PCNT: variants seen among roughly 807,000 people sequenced by gnomAD.
PCNT encodes pericentrin, also known as kendrin.
PCNT carries 319 observed loss-of-function variants against 380.4 expected under a neutral mutation model. The observed-to-expected ratio is 0.84, with a 90% CI of 0.77 to 0.92. The LOEUF is 0.92. Ranked by LOEUF, PCNT falls within the 40% of genes least tolerant of loss-of-function variation. The pLI, the probability that PCNT is intolerant of heterozygous loss-of-function variation, is 0.00. For synonymous variants in PCNT, 1,845 were observed against 1,735.2 expected, an observed-to-expected ratio of 1.06 and a Z score of -1.57; for missense variants, 4,400 against 4,255.3, an observed-to-expected ratio of 1.03 and a Z score of -0.95.
chr21:46,400,961 G>A (rs1005883124), intron 25 of PCNT, among the ~76,000 whole-genome samples: 7 of 152,138 alleles, frequency 4.6e-5, no homozygotes, highest in African/African-American at 1.2e-4. Context: ...CCCCCTGGCC[G>A]GCCACTGCAC....
At chr21:46,340,385 G>A (rs1252386243) in intron 3 of PCNT, among the ~76,000 whole-genome samples, 2 of 152,126 alleles carry the variant, frequency 1.3e-5, no homozygotes, top group Non-Finnish European at 2.9e-5. Context: ...TTTTGTGCTT[G>A]CCTTCTTTTT....
At chr21:46,403,853 ATG>A (rs2086533041) in intron 27 of PCNT, among the ~76,000 whole-genome samples, 1 of 55,912 alleles carries the variant, frequency 1.8e-5, no homozygotes, top group African/African-American at 8.1e-5. Flanking sequence ...AGAATCGTGT[ATG>A]TGTGGTGCCC....
chr21:46,405,552 G>C (rs2086597656), intron 27 of PCNT, among the ~76,000 whole-genome samples: 1 of 152,192 alleles, frequency 6.6e-6, no homozygotes, highest in South Asian at 2.1e-4. Context: ...ACAAAAGTTA[G>C]CTGGGCCTGG....
intron 15 of PCNT, among the ~76,000 whole-genome samples, chr21:46,373,748 T>G (rs2085236978): frequency 1.5e-5 from 2 of 130,998 alleles, no homozygotes; most frequent in Non-Finnish European, 1.6e-5. Flanking sequence ...TTTTTTTTTT[T>G]TGGGCGGAGT....
chr21:46,386,121 G>A (rs1267524023), intron 17 of PCNT, 138 bp downstream of exon 17: 11 of 980,228 alleles, frequency 1.1e-5, no homozygotes, highest in East Asian at 2.5e-5. Context: ...ACGGGGACCC[G>A]GCTTCCTTCT....
At chr21:46,427,532 C>T (rs2087559150) in intron 33 of PCNT, 90 bp from the exon 34 acceptor site, 2 of 1,464,216 alleles carry the variant, frequency 1.4e-6, no homozygotes, top group East Asian at 4.5e-5. Flanking sequence ...CCGCAGGCCC[C>T]ATCTCCAAAC....
intron 31 of PCNT, chr21:46,421,111 T>G (rs918563361): frequency 9.9e-5 from 15 of 152,252 alleles, no homozygotes; most frequent in Admixed American, 2.6e-4. Flanking sequence ...GCCCGTTATT[T>G]CTCTGAGGGG....
intron 15 of PCNT, among the ~76,000 whole-genome samples, chr21:46,381,340 T>C (rs1022578101): frequency 2.6e-5 from 4 of 152,158 alleles, no homozygotes; most frequent in Admixed American, 2.0e-4. Context: ...TTTCCAAATA[T>C]CTTGGGTTTT....
chr21:46,357,303 G>A, intron 13 of PCNT, 112 bp downstream of exon 13: 1 of 803,426 alleles, frequency 1.2e-6, no homozygotes, highest in Non-Finnish European at 2.2e-6. Flanking sequence ...GCCCAGTGCT[G>A]TACATGGCAC....
At chr21:46,345,739 G>A (rs1054241381) in intron 3 of PCNT, among the ~76,000 whole-genome samples, 2 of 152,102 alleles carry the variant, frequency 1.3e-5, no homozygotes, top group African/African-American at 2.4e-5. Flanking sequence ...CAGCCACCCC[G>A]CTCTCCTCCC....
chr21:46,442,697 G>A (rs2053641190), intron 44 of PCNT, 124 bp downstream of exon 44: 11 of 739,278 alleles, frequency 1.5e-5, no homozygotes, highest in Non-Finnish European at 1.2e-5. Context: ...AAGAAAATCC[G>A]TGAATTCCGT....
At position 46,431,556 on chromosome 21, in the gene PCNT, C is replaced by T. The variant is rs2087765041; in HGVS notation, c.8092C>T (p.Arg2698Cys). The T allele has an allele frequency of 2.5e-6, 4 of 1,613,950 alleles. No individual in the cohort carries two copies. The highest frequency in any genetic ancestry group is 1.6e-4 in the Middle Eastern group (1 of 6,084). Residue 2698 changes from arginine (R) to cysteine (C), a missense_variant, in exon 38 of 47, where the codon CGT (arginine) becomes TGT (cysteine). Physicochemically the swap from Arg to Cys is radical, Grantham distance 180 (BLOSUM62 -3). Coordinates refer to ENST00000359568, the MANE Select transcript of PCNT (RefSeq NM_006031.6). The stretch of plus-strand genomic sequence containing the variant: ...GCTGCGGGCGTCTTTGGAGACACAG[C>T]GTGCTCAGAGCAGTCGACTCTGCGT... The part of the protein sequence containing the change: ...EELRASLETQ[R>C]AQSSRLCVAL...
At chr21:46,421,942 TG>T in intron 31 of PCNT, 27 bp from the exon 32 acceptor site, 1 of 1,612,534 alleles carries the variant, frequency 6.2e-7, no homozygotes, top group Non-Finnish European at 8.5e-7. Context: ...GAGCTGTGGG[TG>T]GGACCCTGAC....
intron 1 of PCNT, chr21:46,325,139 G>T: frequency 1.0e-6 from 1 of 985,654 alleles, no homozygotes; most frequent in Non-Finnish European, 1.2e-6. Context: ...CAGAGCCCAT[G>T]ACTCGGGGGC....
intron 36 of PCNT, 135 bp downstream of exon 36, chr21:46,430,367 C>T: frequency 2.8e-6 from 4 of 1,405,302 alleles, no homozygotes; most frequent in Non-Finnish European, 3.9e-6. Flanking sequence ...CCTGCTGTCC[C>T]TGGGTTGATA....
At chr21:46,383,413 G>A (rs1182868428) in intron 16 of PCNT, among the ~76,000 whole-genome samples, 1 of 146,782 alleles carries the variant, frequency 6.8e-6, no homozygotes, top group Admixed American at 6.9e-5. Context: ...TCACGGTGTT[G>A]TGCATTCAGT....
chr21:46,421,282 G>A lies in PCNT; in HGVS notation c.7025-688G>A, dbSNP rs141207521. On this transcript the variant is annotated intron_variant, in intron 31 of 46. Coordinates refer to ENST00000359568, the MANE Select transcript of PCNT (RefSeq NM_006031.6). ...GGAGCTTTGTCCACACGGGGGCCCC[G>A]TCTCGCTGGCATCCTCATCCTCCTG... is the stretch of plus-strand genomic sequence containing the variant. 4.9e-4 allele frequency among the ~76,000 whole-genome samples: 75 copies of A among 151,992 alleles called. No homozygotes were observed. In the Middle Eastern group the frequency reaches 0.01, roughly 21 times the overall value.
chr21:46,341,983 C>T (rs2083923026), intron 3 of PCNT, among the ~76,000 whole-genome samples: 2 of 150,960 alleles, frequency 1.3e-5, no homozygotes, highest in Middle Eastern at 3.4e-3. Flanking sequence ...GCTCTGTTGC[C>T]CAGCCTCGAG....
chr21:46,403,325 T>C (rs1376390868), intron 27 of PCNT, among the ~76,000 whole-genome samples: 15 of 110,460 alleles, frequency 1.4e-4, no homozygotes, highest in South Asian at 2.9e-4. Flanking sequence ...GTGGGAGAAT[T>C]GTGTGTGTGT....
Sources: gnomAD v4.1 joint callset for allele counts (sites outside exome capture counted in the v4.1 genomes callset) on GRCh38, gnomAD v4.1.1 for gene constraint, MANE v1.5 for transcripts, NCBI Gene and HGNC (gene_info 2026-07-23, HGNC 2026-07-21) for gene names.